Variants in QNG1 observed in about 807,000 individuals in gnomAD.
QNG1 encodes queuosine 5'-phosphate N-glycosylase/hydrolase.
At chr9:83,952,575 A>G in the QNG1 span, among the ~76,000 whole-genome samples, 3 of 151,994 alleles carry the variant, frequency 2.0e-5, no homozygotes, top group Non-Finnish European at 4.4e-5. Context: ...CGGGCGGATC[A>G]CCAGGTCAGG....
the QNG1 span, among the ~76,000 whole-genome samples, chr9:83,954,879 CAAAAAA>C: frequency 2.0e-3 from 93 of 47,040 alleles, no homozygotes; most frequent in African/African-American, 5.9e-3. Flanking sequence ...GAGTCCATCT[CAAAAAA>C]AAAAAAAAAA....
At chr9:83,949,577 C>T in the QNG1 span, among the ~76,000 whole-genome samples, 2 of 151,934 alleles carry the variant, frequency 1.3e-5, no homozygotes, top group African/African-American at 4.8e-5. Flanking sequence ...ACCCGGGAGG[C>T]CGAAGTTGTG....
chr9:83,945,400 CAA>C, the QNG1 span, among the ~76,000 whole-genome samples: 6,307 of 109,854 alleles, frequency 0.057, 394 homozygotes, highest in African/African-American at 0.19. Context: ...GACCCTGTCT[CAA>C]AAAAAAAAAA....
At chr9:83,953,809 G>T in the QNG1 span, 1 of 1,548,828 alleles carries the variant, frequency 6.5e-7, no homozygotes, top group Non-Finnish European at 8.7e-7. Context: ...AGCCTGTGAG[G>T]GTCCAACAAA....
At chr9:83,944,970 T>C in the QNG1 span, 3 of 1,605,224 alleles carry the variant, frequency 1.9e-6, no homozygotes, top group Non-Finnish European at 2.6e-6. Flanking sequence ...GGCTCGTTTG[T>C]AAAAAGAAAC....
chr9:83,946,352 A>G, the QNG1 span, among the ~76,000 whole-genome samples: 1 of 152,090 alleles, frequency 6.6e-6, no homozygotes, highest in African/African-American at 2.4e-5. Flanking sequence ...AAGAATAATC[A>G]TCCATAAGCT....
the QNG1 span, among the ~76,000 whole-genome samples, chr9:83,940,123 G>A: frequency 7.9e-5 from 12 of 152,250 alleles, no homozygotes; most frequent in Admixed American, 2.0e-4. Flanking sequence ...AATTATTGTA[G>A]GCTGGGTGCA....
chr9:83,953,710 T>A, the QNG1 span: 4 of 921,122 alleles, frequency 4.3e-6, no homozygotes, highest in South Asian at 5.9e-5. Context: ...CAGGCTGGAG[T>A]GCGGTGGCGT....
the QNG1 span, among the ~76,000 whole-genome samples, chr9:83,948,387 T>G: frequency 3.6e-5 from 5 of 137,326 alleles, no homozygotes; most frequent in East Asian, 2.2e-4. Flanking sequence ...GAGGTGGGGG[T>G]CAGCCCCCAG....
chr9:83,939,719 CT>C, the QNG1 span: 2 of 1,614,124 alleles, frequency 1.2e-6, no homozygotes, highest in Admixed American at 3.3e-5. Flanking sequence ...CACCTCTTGC[CT>C]GTCTCCATAT....
chr9:83,947,387 C>T, the QNG1 span, among the ~76,000 whole-genome samples: 1 of 152,194 alleles, frequency 6.6e-6, no homozygotes, highest in Non-Finnish European at 1.5e-5. Context: ...GATACCCTGT[C>T]ATAACAAGAA....
chr9:83,947,856 C>T, the QNG1 span, among the ~76,000 whole-genome samples: 1 of 152,228 alleles, frequency 6.6e-6, no homozygotes, highest in Non-Finnish European at 1.5e-5. Context: ...GTGATCTCGA[C>T]TCACTACAAC....
At chr9:83,949,006 T>C in the QNG1 span, among the ~76,000 whole-genome samples, 1 of 143,568 alleles carries the variant, frequency 7.0e-6, no homozygotes, top group African/African-American at 2.8e-5. Context: ...CTTGTTCACA[T>C]GTTTATCTGC....
chr9:83,949,965 AATAAT>A, the QNG1 span, among the ~76,000 whole-genome samples: 3 of 150,676 alleles, frequency 2.0e-5, no homozygotes, highest in South Asian at 2.1e-4. Flanking sequence ...TAATAGATAT[AATAAT>A]ATATTAATAT....
chr9:83,949,516 C>T, the QNG1 span, among the ~76,000 whole-genome samples: 2 of 152,132 alleles, frequency 1.3e-5, no homozygotes, highest in Non-Finnish European at 2.9e-5. Context: ...CATGGTGGCA[C>T]ATGCCTGTAA....
the QNG1 span, chr9:83,953,836 C>G: frequency 2.6e-6 from 4 of 1,542,638 alleles, no homozygotes; most frequent in Non-Finnish European, 3.5e-6. Flanking sequence ...ATCATTTGTT[C>G]AAGTACACTG....
chr9:83,944,754 C>G, the QNG1 span: 1 of 1,462,430 alleles, frequency 6.8e-7, no homozygotes, highest in Non-Finnish European at 9.4e-7. Context: ...CGAGATCCAA[C>G]AATTCATAGT....
the QNG1 span, chr9:83,956,910 GGT>G: frequency 6.2e-6 from 1 of 160,992 alleles, no homozygotes; most frequent in African/African-American, 2.4e-5. Flanking sequence ...GCTTCGGACA[GGT>G]GGGACTCGAA....
At chr9:83,954,506 C>G in the QNG1 span, among the ~76,000 whole-genome samples, 8 of 151,660 alleles carry the variant, frequency 5.3e-5, no homozygotes, top group East Asian at 4.0e-4. Flanking sequence ...CGCTTGAACC[C>G]GGGAGGCGGA....
Sources: gnomAD v4.1 joint callset for allele counts (sites outside exome capture counted in the v4.1 genomes callset) on GRCh38, gnomAD v4.1.1 for gene constraint, MANE v1.5 for transcripts, NCBI Gene and HGNC (gene_info 2026-07-23, HGNC 2026-07-21) for gene names.